LYPD2: variants seen among roughly 807,000 people sequenced by gnomAD.
The protein encoded by LYPD2 is LY6/PLAUR domain containing 2, also known as ly6/PLAUR domain-containing protein 2.
In LYPD2, 5 loss-of-function variants were observed where a neutral mutation model predicts 7.1. The observed-to-expected ratio is 0.70, with a 90% confidence interval of 0.37 to 1.48. The LOEUF (loss-of-function observed/expected upper bound fraction) is 1.48, where lower values mean the gene tolerates loss of function less well. Among genes scored for constraint, LYPD2 ranks in the 40% most tolerant of loss-of-function variants. LYPD2 has a pLI of 0.03. For synonymous variants in LYPD2, 78 were observed against 82.0 expected, an observed-to-expected ratio of 0.95 and a Z score of 0.26; for missense variants, 177 against 171.0, an observed-to-expected ratio of 1.04 and a Z score of -0.20.
At chr8:142,750,960 C>A in intron 2 of LYPD2, 91 bp downstream of exon 2, 1 of 1,582,520 alleles carries the variant, frequency 6.3e-7, no homozygotes, top group Admixed American at 1.7e-5. Flanking sequence ...CTTCCGTGCT[C>A]ACTGCCCTAT....
At chr8:142,751,596 C>T (rs1359159317) in intron 1 of LYPD2, among the ~76,000 whole-genome samples, 7 of 152,194 alleles carry the variant, frequency 4.6e-5, no homozygotes, top group African/African-American at 1.4e-4. Flanking sequence ...AGGGATCAGG[C>T]CAGGAGGCCC....
chr8:142,751,598 A>G (rs769507611), intron 1 of LYPD2, among the ~76,000 whole-genome samples: 15 of 152,194 alleles, frequency 9.9e-5, no homozygotes, highest in Non-Finnish European at 2.1e-4. Context: ...GGATCAGGCC[A>G]GGAGGCCCAT....
In LYPD2 at chr8:142,751,048, G is replaced by C. The variant is rs1416734488; in HGVS notation, c.178+3C>G. The C allele has an allele frequency of 6.2e-7, 1 of 1,614,076 alleles. No homozygotes were observed. On this transcript the variant is annotated splice_donor_region_variant and intron_variant, in intron 2 of 2. Transcript: ENST00000359228. ...GCCCTGCCCGCCTTCTGTGCCCACT[G>C]ACCTATCTCCCGGGAGTAGAGTGTG...
rs1272304790 is a variant in LYPD2, at chr8:142,752,376, G to A, written c.58+18C>T. 5 of 1,613,070 alleles carry A rather than the reference G, an allele frequency of 3.1e-6. No homozygotes were observed. In the South Asian group the frequency reaches 4.4e-5, roughly 14 times the overall value. Reference sequence around the variant, plus strand: ...CATCTCCCTCCGTCCCAGCTCCCCTGTGGGTCCCACACCTCACCCAGCTCT... The same window carrying A: ...CATCTCCCTCCGTCCCAGCTCCCCTATGGGTCCCACACCTCACCCAGCTCT... On this transcript the variant is annotated intron_variant, in intron 1 of 2. Transcript: ENST00000359228.
At position 142,751,159 on chromosome 8, in the gene LYPD2, G is replaced by T. The variant is rs751446640; in HGVS notation, c.70C>A (p.Arg24Ser). The change falls in exon 2 of 3, where the codon CGC becomes AGC. Residue 24 changes from arginine to serine, a missense_variant. Coordinates refer to ENST00000359228, the MANE Select transcript of LYPD2 (RefSeq NM_205545.3). ...AACGELAPAL[R>S]CYVCPEPTGV... ...GTGGGCTCCGGACAGACGTAGCAGC[G>T]CAGGGCCGGCGCTGGGGAGAAGGGA... 6 of 1,613,874 alleles carry T rather than the reference G, an allele frequency of 3.7e-6. No homozygotes were observed. In the South Asian group the frequency reaches 6.6e-5, roughly 18 times the overall value.
intron 1 of LYPD2, among the ~76,000 whole-genome samples, chr8:142,751,760 G>A (rs1429972687): frequency 1.3e-5 from 2 of 152,270 alleles, no homozygotes; most frequent in East Asian, 1.9e-4. Context: ...CAGCCCAGGT[G>A]GGTCTGGCTG....
rs1814674638 is a variant in LYPD2, at chr8:142,750,310, G to A, written c.351C>T (p.Leu117=). 7.7e-6 allele frequency: 12 copies of A among 1,553,022 alleles called. No individual in the cohort carries two copies. Among genetic ancestry groups the A allele is most frequent in the South Asian group, 2.4e-5 (2 of 84,118 alleles). ...LNSLHCGALT[L]LPLLSLRL ...ACAGTCGGAGGCTCAAGAGTGGGAG[G>A]AGCGTGAGGGCCCCGCAGTGGAGGC... The change falls in exon 3 of 3, where the codon CTC becomes CTT. Residue 117 remains leucine (L), a synonymous_variant. Transcript: ENST00000359228.
chr8:142,750,700 C>T (rs587635226), intron 2 of LYPD2, among the ~76,000 whole-genome samples: 1 of 152,250 alleles, frequency 6.6e-6, no homozygotes, highest in Non-Finnish European at 1.5e-5. Flanking sequence ...GTTCCCGCCC[C>T]GAGGTGACTG....
In LYPD2 at chr8:142,751,050, C is replaced by T. The variant is rs1469026724; in HGVS notation, c.178+1G>A. ...CCTGCCCGCCTTCTGTGCCCACTGA[C>T]CTATCTCCCGGGAGTAGAGTGTGGT... On this transcript the variant is annotated splice_donor_variant, in intron 2 of 2. Transcript: ENST00000359228. LOFTEE classifies it high-confidence loss of function. 1 of 1,614,126 alleles carries T rather than the reference C, an allele frequency of 6.2e-7. No homozygotes were observed. Among genetic ancestry groups the T allele is most frequent in the Non-Finnish European group, 8.5e-7 (1 of 1,180,008 alleles).
intron 1 of LYPD2, 71 bp downstream of exon 1, chr8:142,752,323 C>T (rs587764748): frequency 3.5e-5 from 56 of 1,589,338 alleles, no homozygotes; most frequent in Middle Eastern, 3.3e-4. Context: ...GGCGCCCTCC[C>T]GGGAACAGTG....
Position 142,752,491 on chromosome 8 carries a change from C to T in LYPD2, c.-40G>A. The T allele has an allele frequency of 6.2e-7, 1 of 1,609,510 alleles. No individual in the cohort carries two copies. Among genetic ancestry groups the T allele is most frequent in the East Asian group, 2.2e-5 (1 of 44,718 alleles). On this transcript the variant is annotated 5_prime_UTR_variant, in exon 1 of 3. Transcript: ENST00000359228. ...CCTCTGTGCTCTCACCCCAGGCTTG[C>T]CTGGCGGGGACAGCAGACACCAAGT...
chr8:142,751,231 C>G (rs1428285362), intron 1 of LYPD2, 61 bp from the exon 2 acceptor site: 2 of 1,599,682 alleles, frequency 1.3e-6, no homozygotes, highest in Non-Finnish European at 8.5e-7. Context: ...CAGAGACAGT[C>G]TGTCCTGGAA....
intron 1 of LYPD2, 142 bp from the exon 2 acceptor site, chr8:142,751,312 GC>G: frequency 8.5e-7 from 1 of 1,177,610 alleles, no homozygotes; most frequent in Non-Finnish European, 1.2e-6. Flanking sequence ...CAGGAGCAAT[GC>G]CAGGAGCCTG....
intron 2 of LYPD2, 54 bp from the exon 3 acceptor site, chr8:142,750,536 T>C (rs1409156941): frequency 2.2e-5 from 33 of 1,525,596 alleles, no homozygotes; most frequent in African/African-American, 4.1e-5. Flanking sequence ...CTCCAAGCCC[T>C]GGTCCCTGCC....
At chr8:142,751,784 A>G (rs1490351076) in intron 1 of LYPD2, among the ~76,000 whole-genome samples, 1 of 152,150 alleles carries the variant, frequency 6.6e-6, no homozygotes, top group Non-Finnish European at 1.5e-5. Context: ...CCAGCTGGCC[A>G]GGGCAGCCAG....
In LYPD2 at chr8:142,750,254, G is replaced by A. The variant is rs377233424; in HGVS notation, c.*29C>T. ...TCTTCAAGGCATTCGGGGCTGGGCC[G>A]CATAGGGCCATGGGGGTGGGCGGGG... On this transcript the variant is annotated 3_prime_UTR_variant, in exon 3 of 3. Transcript: ENST00000359228. 80 of 1,538,116 alleles carry A rather than the reference G, an allele frequency of 5.2e-5. No homozygotes were observed. Among genetic ancestry groups the A allele is most frequent in the South Asian group, 1.7e-4 (14 of 83,580 alleles).
rs779763852 is a variant in LYPD2 at position 142,751,125 on chromosome 8, G to A, written c.104C>T (p.Ser35Leu). 7 of 1,614,164 alleles carry A rather than the reference G, an allele frequency of 4.3e-6. No homozygotes were observed. The South Asian group carries it at 5.5e-5, about 13-fold the overall frequency. Reference sequence around the variant, plus strand: ...GCAGGTGGCGATGGTGACACAGTCCGACACTCCTGTGGGCTCCGGACAGAC... The same window carrying A: ...GCAGGTGGCGATGGTGACACAGTCCAACACTCCTGTGGGCTCCGGACAGAC... ...CYVCPEPTGV[S>L]DCVTIATCTT... The change falls in exon 2 of 3, where the codon TCG becomes TTG. Residue 35 changes from serine (S) to leucine (L), a missense_variant. Transcript: ENST00000359228.
rs369898532 is a variant in LYPD2 at position 142,752,447 on chromosome 8, C to G, written c.5G>C (p.Arg2Pro). The G allele has an allele frequency of 2.5e-6, 4 of 1,613,386 alleles. No homozygotes were observed. Among genetic ancestry groups the G allele is most frequent in the Non-Finnish European group, 3.4e-6 (4 of 1,179,774 alleles). Residue 2 changes from arginine (R) to proline (P), a missense_variant, in exon 1 of 3, where the codon CGG becomes CCG. By Grantham distance (103) the Arg-to-Pro change is moderately radical. Coordinates refer to ENST00000359228, the MANE Select transcript of LYPD2 (RefSeq NM_205545.3). M[R>P]GTRLALLALV... ...CGCCAGGAGCGCCAGCCGCGTCCCC[C>G]GCATGGTCCCGGCCCACTCCTCTGT... is the stretch of plus-strand genomic sequence containing the variant.
rs1436055235 is a variant in LYPD2, at chr8:142,750,996, C to T, written c.178+55G>A. 1.4e-5 allele frequency: 23 copies of T among 1,611,070 alleles called. No individual in the cohort carries two copies. The East Asian group carries it at 2.0e-4, about 14-fold the overall frequency. On this transcript the variant is annotated intron_variant, in intron 2 of 2. Coordinates refer to ENST00000359228, the MANE Select transcript of LYPD2 (RefSeq NM_205545.3). ...CTCCTGGGAGTAGAGTGTGACTGGG[C>T]TGGAGGTGGCTCTGACCGGGAACCC...
Sources: allele counts gnomAD v4.1 joint callset (sites outside exome capture counted in the v4.1 genomes callset), GRCh38; gene constraint gnomAD v4.1.1; transcripts MANE v1.5; gene names NCBI Gene and HGNC (gene_info 2026-07-23, HGNC 2026-07-21).